RGS7: variants seen among roughly 807,000 people sequenced by gnomAD.
The protein encoded by RGS7 is regulator of G-protein signaling 7.
Under a neutral mutation model 81.1 loss-of-function variants are expected in RGS7, and 27 were observed. The ratio of observed to expected loss-of-function variants is 0.33; its 90% confidence interval spans 0.25 to 0.46. RGS7 has a LOEUF of 0.46. RGS7 is among the 20% of genes least tolerant of loss of function. The pLI is 1.00. For synonymous variants in RGS7, 208 were observed against 207.7 expected, an observed-to-expected ratio of 1.00 and a Z score of -0.01; for missense variants, 396 against 607.4, an observed-to-expected ratio of 0.65 and a Z score of 3.66.
At chr1:241,000,787 A>C (rs570708689) in intron 3 of RGS7, among the ~76,000 whole-genome samples, 3 of 149,936 alleles carry the variant, frequency 2.0e-5, no homozygotes, top group Admixed American at 6.7e-5. Flanking sequence ...AGCTGGGATT[A>C]CAGGTGCGTG....
Position 241,355,806 on chromosome 1 carries a change from T to A in RGS7, c.-30A>T. 1 of 1,586,276 alleles carries A rather than the reference T, an allele frequency of 6.3e-7. No homozygotes were observed. Among genetic ancestry groups the A allele is most frequent in the Non-Finnish European group, 8.7e-7 (1 of 1,154,544 alleles). On this transcript the variant is annotated 5_prime_UTR_variant, in exon 2 of 19. Transcript: ENST00000440928. ...CCCAAAACTTGGTCCACTCTCAAGA[T>A]ACAAGAATTATCAGTGTGCCCTGCA...
chr1:240,848,607 A>G (rs1274977317), intron 9 of RGS7, among the ~76,000 whole-genome samples: 1 of 148,732 alleles, frequency 6.7e-6, no homozygotes, highest in Non-Finnish European at 1.5e-5. Flanking sequence ...ATACAGCAGA[A>G]AAGGAAATCT....
chr1:241,136,417 G>T (rs992833124), intron 2 of RGS7, among the ~76,000 whole-genome samples: 1 of 152,110 alleles, frequency 6.6e-6, no homozygotes, highest in African/African-American at 2.4e-5. Context: ...ATGGCACCTT[G>T]TGAAAACCTG....
chr1:240,893,940 C>T (rs1023118778), intron 6 of RGS7, among the ~76,000 whole-genome samples: 2 of 152,134 alleles, frequency 1.3e-5, no homozygotes, highest in Admixed American at 6.6e-5. Flanking sequence ...AACTGCTTCT[C>T]GAATCTCATT....
chr1:240,908,078 A>G (rs1397517880), intron 6 of RGS7, among the ~76,000 whole-genome samples: 1 of 151,108 alleles, frequency 6.6e-6, no homozygotes, highest in Non-Finnish European at 1.5e-5. Context: ...CTTTAGAAAA[A>G]TGTTCAGTGA....
chr1:240,894,742 T>C (rs1016446360), intron 6 of RGS7, among the ~76,000 whole-genome samples: 1 of 152,190 alleles, frequency 6.6e-6, no homozygotes, highest in Non-Finnish European at 1.5e-5. Flanking sequence ...AATATAAATT[T>C]CTTGTCAATC....
intron 2 of RGS7, among the ~76,000 whole-genome samples, chr1:241,337,670 C>CAAA (rs1197887385): frequency 7.2e-5 from 11 of 152,270 alleles, no homozygotes; most frequent in African/African-American, 2.6e-4. Flanking sequence ...AACACACAAG[C>CAAA]AAACACTCAA....
At chr1:241,097,311 G>A (rs936114681) in intron 3 of RGS7, among the ~76,000 whole-genome samples, 1 of 152,048 alleles carries the variant, frequency 6.6e-6, no homozygotes, top group Non-Finnish European at 1.5e-5. Flanking sequence ...AAACTAGAAC[G>A]AAGTGGGCAT....
chr1:240,787,493 T>C (rs1302476074), intron 18 of RGS7, among the ~76,000 whole-genome samples: 1 of 152,192 alleles, frequency 6.6e-6, no homozygotes, highest in Non-Finnish European at 1.5e-5. Context: ...ATGTGCTTCA[T>C]AACTAAACAA....
chr1:240,803,395 C>G (rs1272319323), intron 15 of RGS7, among the ~76,000 whole-genome samples: 1 of 152,066 alleles, frequency 6.6e-6, no homozygotes, highest in Admixed American at 6.6e-5. Flanking sequence ...TCCTGGATAC[C>G]TTTGGCCTCT....
At chr1:240,863,499 A>T (rs905112878) in intron 9 of RGS7, among the ~76,000 whole-genome samples, 8 of 152,210 alleles carry the variant, frequency 5.3e-5, no homozygotes, top group African/African-American at 1.9e-4. Context: ...AATAAAAATA[A>T]AAATGTAGAT....
chr1:240,793,611 A>ATATATATATATT lies in RGS7; in HGVS notation c.*6+7029_*6+7030insAATATATATATA. 4.7e-4 allele frequency among the ~76,000 whole-genome samples: 37 copies of ATATATATATATT among 78,808 alleles called. 2 individuals carry two copies. The highest frequency in any genetic ancestry group is 2.8e-3 in the African/African-American group (29 of 10,300). The allele number at this position is 78,808 out of a possible 152,430, so 51.7% of individuals were successfully genotyped here. On this transcript the variant is annotated intron_variant, in intron 18 of 18. Coordinates refer to ENST00000440928, the MANE Select transcript of RGS7 (RefSeq NM_001364886.1). ...AATATATATATATATATATATATAT[A>ATATATATATATT]TTTTTTTTTTTTTTTTGAGACAGAG...
At chr1:241,041,812 C>T (rs1002253733) in intron 3 of RGS7, among the ~76,000 whole-genome samples, 2 of 152,128 alleles carry the variant, frequency 1.3e-5, no homozygotes, top group Non-Finnish European at 2.9e-5. Context: ...TTACAATGAA[C>T]TAACTCAGTA....
chr1:241,207,677 G>C (rs943052132), intron 2 of RGS7, among the ~76,000 whole-genome samples: 1 of 152,134 alleles, frequency 6.6e-6, no homozygotes, highest in East Asian at 1.9e-4. Context: ...CGCACCAAAA[G>C]AATCAATTGA....
intron 6 of RGS7, among the ~76,000 whole-genome samples, chr1:240,877,247 A>G (rs1250452386): frequency 6.6e-6 from 1 of 150,658 alleles, no homozygotes; most frequent in East Asian, 1.9e-4. Context: ...ATATAAAGTA[A>G]AAAATATACA....
chr1:240,969,469 G>C (rs1682861826), intron 4 of RGS7, among the ~76,000 whole-genome samples: 1 of 152,140 alleles, frequency 6.6e-6, no homozygotes. Flanking sequence ...GTTCCTGTGT[G>C]TAATTAAACA....
At chr1:241,337,530 T>A (rs987104258) in intron 2 of RGS7, among the ~76,000 whole-genome samples, 11 of 151,668 alleles carry the variant, frequency 7.3e-5, no homozygotes, top group African/African-American at 2.7e-4. Flanking sequence ...TACACACAGC[T>A]AGGAGGATGG....
chr1:241,101,840 T>C (rs899417467), intron 2 of RGS7, among the ~76,000 whole-genome samples: 2 of 152,196 alleles, frequency 1.3e-5, no homozygotes, highest in Admixed American at 6.5e-5. Context: ...CACACTTTCA[T>C]CTCAGCACCT....
intron 3 of RGS7, among the ~76,000 whole-genome samples, chr1:241,061,277 C>T (rs918559791): frequency 7.9e-5 from 12 of 152,148 alleles, no homozygotes; most frequent in East Asian, 1.9e-4. Context: ...AATAAACATG[C>T]GTTTGAGTCA....
Sources: gnomAD v4.1 joint callset for allele counts (sites outside exome capture counted in the v4.1 genomes callset) on GRCh38, gnomAD v4.1.1 for gene constraint, MANE v1.5 for transcripts, NCBI Gene and HGNC (gene_info 2026-07-23, HGNC 2026-07-21) for gene names.